Variants in DAAM1 observed in about 807,000 individuals in gnomAD.
The protein encoded by DAAM1 is disheveled-associated activator of morphogenesis 1.
A neutral mutation model predicts 130.0 loss-of-function variants in DAAM1; 52 were observed. The ratio of observed to expected loss-of-function variants is 0.40; its 90% CI spans 0.32 to 0.50. The LOEUF (loss-of-function observed/expected upper bound fraction) is 0.50, where lower values mean the gene tolerates loss of function less well. Ranked by LOEUF, DAAM1 falls within the 20% of genes least tolerant of loss-of-function variation. DAAM1 has a pLI of 0.61. For missense variants in DAAM1, 1,134 were observed against 1,303.8 expected (o/e 0.87, Z 2.01); for synonymous variants, 452 against 444.5 (o/e 1.02, Z -0.21).
At chr14:59,288,944 C>G (rs1055776125) in intron 2 of DAAM1, among the ~76,000 whole-genome samples, 3 of 151,530 alleles carry the variant, frequency 2.0e-5, no homozygotes, top group African/African-American at 7.3e-5. Flanking sequence ...TGAGATGAAG[C>G]CTTGGTCTGT....
At chr14:59,244,497 G>A (rs1388208717) in intron 1 of DAAM1, among the ~76,000 whole-genome samples, 1 of 152,146 alleles carries the variant, frequency 6.6e-6, no homozygotes, top group African/African-American at 2.4e-5. Flanking sequence ...AGCTCTGTGA[G>A]GGCAAAGCAC....
intron 3 of DAAM1, among the ~76,000 whole-genome samples, chr14:59,296,981 A>G (rs1182517532): frequency 6.6e-6 from 1 of 152,218 alleles, no homozygotes; most frequent in East Asian, 1.9e-4. Flanking sequence ...AGAGAGTAAG[A>G]TGGAAACTCC....
rs749126280 is a variant in DAAM1, at chr14:59,360,867, G to A, written c.2694+5G>A. On this transcript the variant is annotated splice_donor_5th_base_variant and intron_variant, in intron 22 of 24. Coordinates refer to ENST00000360909, the MANE Select transcript of DAAM1 (RefSeq NM_001270520.2). ...GGCTTGAAAGCAGTAGAGACAGTGAGTATTTTTTTGTTGTTGTTCTAATTC... is the reference window on the plus strand; with the variant it reads ...GGCTTGAAAGCAGTAGAGACAGTGAATATTTTTTTGTTGTTGTTCTAATTC... 6.2e-7 allele frequency: 1 copy of A among 1,612,800 alleles called. No homozygotes were observed. Among genetic ancestry groups the A allele is most frequent in the Non-Finnish European group, 8.5e-7 (1 of 1,179,732 alleles).
intron 2 of DAAM1, among the ~76,000 whole-genome samples, chr14:59,267,905 T>C (rs866449398): frequency 3.6e-3 from 211 of 58,032 alleles, no homozygotes; most frequent in East Asian, 0.035. Context: ...CCCCCCCCTT[T>C]TTTTTTTTTT....
chr14:59,339,334 G>A (rs556329842), intron 15 of DAAM1, among the ~76,000 whole-genome samples: 3 of 152,266 alleles, frequency 2.0e-5, no homozygotes, highest in African/African-American at 7.2e-5. Flanking sequence ...TATCAAGTTA[G>A]CCTTGAACTT....
intron 1 of DAAM1, among the ~76,000 whole-genome samples, chr14:59,189,559 C>T (rs982047985): frequency 2.0e-5 from 3 of 151,724 alleles, no homozygotes; most frequent in African/African-American, 4.8e-5. Flanking sequence ...TGGGGCGAAG[C>T]GCCTGCCCTG....
At chr14:59,362,444 G>T (rs1886744741) in intron 22 of DAAM1, 1 of 152,122 alleles carries the variant, frequency 6.6e-6, no homozygotes, top group Admixed American at 6.5e-5. Context: ...GAATATTTAT[G>T]AAATTATACA....
intron 1 of DAAM1, among the ~76,000 whole-genome samples, chr14:59,206,510 C>T (rs902354142): frequency 1.1e-4 from 17 of 151,978 alleles, no homozygotes; most frequent in East Asian, 7.8e-4. Flanking sequence ...CTCCTAACCT[C>T]GTAATCTGCC....
At chr14:59,235,971 A>G (rs1274427834) in intron 1 of DAAM1, among the ~76,000 whole-genome samples, 1 of 152,156 alleles carries the variant, frequency 6.6e-6, no homozygotes, top group Non-Finnish European at 1.5e-5. Flanking sequence ...TACTTAGGAA[A>G]ATAGACTTGA....
intron 1 of DAAM1, among the ~76,000 whole-genome samples, chr14:59,256,557 A>G (rs1881895376): frequency 1.3e-5 from 2 of 152,194 alleles, no homozygotes; most frequent in Admixed American, 6.5e-5. Context: ...TGCAGTTTGG[A>G]TGTCCCAGAA....
chr14:59,207,024 C>T (rs1888280983), intron 1 of DAAM1, among the ~76,000 whole-genome samples: 1 of 152,078 alleles, frequency 6.6e-6, no homozygotes, highest in Non-Finnish European at 1.5e-5. Flanking sequence ...ATAAGATTCT[C>T]AAAATTATAA....
chr14:59,255,131 T>C (rs1373036257), intron 1 of DAAM1, among the ~76,000 whole-genome samples: 1 of 152,196 alleles, frequency 6.6e-6, no homozygotes, highest in Non-Finnish European at 1.5e-5. Flanking sequence ...GATGCTCTCA[T>C]TATTTTCCTC....
In DAAM1 at chr14:59,230,287, G is replaced by T. The variant is rs147703855; in HGVS notation, c.-37-33154G>T. On this transcript the variant is annotated intron_variant, in intron 1 of 24. Coordinates refer to ENST00000360909, the MANE Select transcript of DAAM1 (RefSeq NM_001270520.2). The stretch of plus-strand genomic sequence containing the variant: ...CTGGAAGCAAACACTGCAGCCGAGG[G>T]GGGTGATGCTTAGAGGCTTTTTTTT... Among the ~76,000 whole-genome samples the T allele has an allele frequency of 3.3e-5, 5 of 150,326 alleles. No individual in the cohort carries two copies. The South Asian group carries it at 8.5e-4, about 26-fold the overall frequency.
chr14:59,234,176 A>G (rs12881422), intron 1 of DAAM1, among the ~76,000 whole-genome samples: 28,430 of 152,060 alleles, frequency 0.19, 3,216 homozygotes, highest in Non-Finnish European at 0.25. Context: ...AAGAATGTCA[A>G]TGGTAGTTTG....
At chr14:59,286,765 G>A (rs1883475684) in intron 2 of DAAM1, among the ~76,000 whole-genome samples, 1 of 151,998 alleles carries the variant, frequency 6.6e-6, no homozygotes, top group Admixed American at 6.6e-5. Flanking sequence ...CCAATAATGA[G>A]TTCTGAAATT....
intron 1 of DAAM1, among the ~76,000 whole-genome samples, chr14:59,237,892 T>A (rs1889350436): frequency 1.3e-5 from 2 of 152,192 alleles, no homozygotes. Context: ...CAAAATTAAA[T>A]GTTCTATTTA....
At chr14:59,360,584 A>T in intron 21 of DAAM1, 1 of 368,254 alleles carries the variant, frequency 2.7e-6, no homozygotes, top group Middle Eastern at 7.0e-4. Context: ...TAACCTGTAA[A>T]ATATACCTGC....
intron 4 of DAAM1, among the ~76,000 whole-genome samples, chr14:59,319,921 AACACACACACACAC>A (rs10566854): frequency 1.3e-5 from 2 of 150,228 alleles, no homozygotes; most frequent in Non-Finnish European, 3.0e-5. Context: ...CCTGGGTAGA[AACACACACACACAC>A]ACACACACAC....
chr14:59,219,333 G>A (rs1455901427), intron 1 of DAAM1, among the ~76,000 whole-genome samples: 7 of 151,954 alleles, frequency 4.6e-5, no homozygotes, highest in African/African-American at 1.7e-4. Flanking sequence ...TTTTCTCGAG[G>A]GCTAGGAAAA....
Sources: gnomAD v4.1 joint callset for allele counts (sites outside exome capture counted in the v4.1 genomes callset) on GRCh38, gnomAD v4.1.1 for gene constraint, MANE v1.5 for transcripts, NCBI Gene and HGNC (gene_info 2026-07-23, HGNC 2026-07-21) for gene names.